The following FMN1 variants were observed in gnomAD, a reference collection of about 807,000 sequenced individuals.
FMN1 encodes formin-1.
A neutral mutation model predicts 132.4 loss-of-function variants in FMN1; 110 were observed. The observed-to-expected ratio is 0.83, with a 90% CI of 0.71 to 0.97. The LOEUF is 0.97. FMN1 is among the 50% of genes least tolerant of loss of function. The probability of loss-of-function intolerance (pLI) is 0.00; values close to 1 mark genes in which losing one functional copy is unlikely to be tolerated. For synonymous variants in FMN1, 722 were observed against 651.7 expected (o/e 1.11, Z -1.64); for missense variants, 1,792 against 1,705.3 (o/e 1.05, Z -0.90).
intron 16 of FMN1, among the ~76,000 whole-genome samples, chr15:32,865,849 AAAAAT>A (rs1415778705): frequency 6.1e-5 from 8 of 132,144 alleles, no homozygotes; most frequent in East Asian, 2.5e-4. Context: ...AAAAAAAAAA[AAAAAT>A]AAAATAAAAT....
rs529228255 is a variant in FMN1, at chr15:33,021,441, A to G, written c.2162-13366T>C. ...GTCTCACCAACTTCTCTCTCTCTCT[A>G]TGCATACACACACACACACACAGAG... is the stretch of plus-strand genomic sequence containing the variant. On this transcript the variant is annotated intron_variant, in intron 6 of 20. Coordinates refer to ENST00000616417, the MANE Select transcript of FMN1 (RefSeq NM_001277313.2). Among the ~76,000 whole-genome samples the G allele has an allele frequency of 1.4e-3, 206 of 152,120 alleles. 1 individual carries two copies. Among genetic ancestry groups the G allele is most frequent in the African/African-American group, 4.8e-3 (200 of 41,510 alleles).
intron 4 of FMN1, among the ~76,000 whole-genome samples, chr15:33,144,065 GTGATTC>G: frequency 6.6e-6 from 1 of 152,316 alleles, no homozygotes; most frequent in East Asian, 1.9e-4. Flanking sequence ...GTGACTTCAC[GTGATTC>G]AGAAATGATT....
In FMN1 at chr15:32,891,282, C is replaced by A. The variant is rs189465500; in HGVS notation, c.3715-2990G>T. ...CTTTTTCTTGAGACGGAGTCTCGCTCTGTCGCCCAGGCTGGAGTGCAGTGA... is the reference window on the plus strand; with the variant it reads ...CTTTTTCTTGAGACGGAGTCTCGCTATGTCGCCCAGGCTGGAGTGCAGTGA... On this transcript the variant is annotated intron_variant, in intron 15 of 20. Coordinates refer to ENST00000616417, the MANE Select transcript of FMN1 (RefSeq NM_001277313.2). Among the ~76,000 whole-genome samples, 14 of 152,320 alleles carry A rather than the reference C, an allele frequency of 9.2e-5. No individual in the cohort carries two copies. In the East Asian group the frequency reaches 2.7e-3, roughly 29 times the overall value.
intron 9 of FMN1, among the ~76,000 whole-genome samples, chr15:32,936,957 A>G (rs1182819266): frequency 2.0e-5 from 3 of 152,144 alleles, no homozygotes; most frequent in African/African-American, 7.2e-5. Flanking sequence ...CCAGGCATCT[A>G]GAGTATGCTG....
intron 9 of FMN1, among the ~76,000 whole-genome samples, chr15:32,940,391 T>TTGTGTGTGTGTGTGTGTGTG (rs67121672): frequency 3.4e-5 from 5 of 145,422 alleles, no homozygotes; most frequent in African/African-American, 1.0e-4. Context: ...AAAATAAAAA[T>TTGTGTGTGTGTGTGTGTGTG]TGTGTGTGTG....
intron 4 of FMN1, among the ~76,000 whole-genome samples, chr15:33,092,137 G>T (rs574825589): frequency 6.6e-6 from 1 of 152,252 alleles, no homozygotes; most frequent in African/African-American, 2.4e-5. Context: ...ACTTACCTTG[G>T]AACCACTTTG....
chr15:32,791,640 C>T (rs12915737), intron 19 of FMN1, among the ~76,000 whole-genome samples: 54,247 of 151,984 alleles, frequency 0.36, 10,100 homozygotes, highest in Middle Eastern at 0.46. Flanking sequence ...AGTCCTGAAT[C>T]AGAGCAGAGA....
At chr15:32,973,499 C>T (rs2031952705) in intron 7 of FMN1, among the ~76,000 whole-genome samples, 2 of 152,146 alleles carry the variant, frequency 1.3e-5, no homozygotes, top group African/African-American at 4.8e-5. Flanking sequence ...TTTCCATGTA[C>T]CATACACCAA....
intron 17 of FMN1, among the ~76,000 whole-genome samples, chr15:32,823,150 C>CTTTTTTT (rs1567224634): frequency 1.2e-5 from 1 of 84,126 alleles, no homozygotes; most frequent in African/African-American, 5.0e-5. Flanking sequence ...AGAGTTTCTA[C>CTTTTTTT]TGTTTTTTTT....
chr15:33,120,583 G>A (rs1367916320), intron 4 of FMN1, among the ~76,000 whole-genome samples: 4 of 148,874 alleles, frequency 2.7e-5, no homozygotes, highest in Non-Finnish European at 5.9e-5. Flanking sequence ...GGGGATATAC[G>A]AACACACACG....
chr15:32,868,485 A>T (rs2059443806), intron 16 of FMN1, among the ~76,000 whole-genome samples: 1 of 152,112 alleles, frequency 6.6e-6, no homozygotes, highest in African/African-American at 2.4e-5. Flanking sequence ...GTGTAAGTAC[A>T]CTCTATGATG....
At chr15:33,112,764 A>C (rs1186854528) in intron 4 of FMN1, among the ~76,000 whole-genome samples, 1 of 152,182 alleles carries the variant, frequency 6.6e-6, no homozygotes, top group Non-Finnish European at 1.5e-5. Flanking sequence ...GTTCTGCTAG[A>C]GATCACATGG....
At chr15:33,127,738 A>G (rs1322662340) in intron 4 of FMN1, among the ~76,000 whole-genome samples, 1 of 152,204 alleles carries the variant, frequency 6.6e-6, no homozygotes, top group Non-Finnish European at 1.5e-5. Flanking sequence ...TTATATTGTA[A>G]TGATAGGGGA....
intron 4 of FMN1, among the ~76,000 whole-genome samples, chr15:33,103,243 A>C (rs1329428001): frequency 6.6e-6 from 1 of 152,076 alleles, no homozygotes; most frequent in Admixed American, 6.6e-5. Flanking sequence ...ACTCTGTAGC[A>C]GAACAGTTTT....
intron 6 of FMN1, 84 bp from the exon 7 acceptor site, chr15:33,008,159 T>A: frequency 9.4e-7 from 1 of 1,059,598 alleles, no homozygotes; most frequent in Non-Finnish European, 1.4e-6. Context: ...AGAAATAAAC[T>A]GACTAAAATA....
chr15:33,019,466 C>T (rs575536801), intron 6 of FMN1, among the ~76,000 whole-genome samples: 1 of 152,358 alleles, frequency 6.6e-6, no homozygotes, highest in Admixed American at 6.5e-5. Flanking sequence ...AGCTGCCTGC[C>T]AGTCCCACGC....
intron 7 of FMN1, among the ~76,000 whole-genome samples, chr15:32,975,346 C>T (rs979051048): frequency 6.6e-6 from 1 of 152,166 alleles, no homozygotes; most frequent in Non-Finnish European, 1.5e-5. Flanking sequence ...GTTAGCCATC[C>T]ACAAATGCTT....
chr15:32,935,489 A>ATGTTTAT (rs1162621157), intron 9 of FMN1, among the ~76,000 whole-genome samples: 1 of 152,062 alleles, frequency 6.6e-6, no homozygotes, highest in Non-Finnish European at 1.5e-5. Context: ...TTCAATCTGA[A>ATGTTTAT]TGTTTATTTC....
At chr15:33,030,193 G>T (rs1406511561) in intron 6 of FMN1, among the ~76,000 whole-genome samples, 1 of 152,104 alleles carries the variant, frequency 6.6e-6, no homozygotes, top group African/African-American at 2.4e-5. Flanking sequence ...ACTGTGTTAA[G>T]TAAATATAAG....
Sources: gnomAD v4.1 joint callset for allele counts (sites outside exome capture counted in the v4.1 genomes callset) on GRCh38, gnomAD v4.1.1 for gene constraint, MANE v1.5 for transcripts, NCBI Gene and HGNC (gene_info 2026-07-23, HGNC 2026-07-21) for gene names.